The following EPCIP variants were observed in gnomAD, a reference collection of about 807,000 sequenced individuals.
EPCIP encodes exosomal polycystin-1-interacting protein.
At chr21:32,809,713 G>T in the EPCIP span, among the ~76,000 whole-genome samples, 152,186 of 152,186 alleles carry the variant, frequency 1, 76,093 homozygotes, top group Non-Finnish European at 1. Flanking sequence ...CTCATGCTGG[G>T]TATGTTGCCC....
At chr21:32,809,312 C>CTTTCTTTCTTTCTTTCTTTCTTTCT in the EPCIP span, among the ~76,000 whole-genome samples, 5 of 132,230 alleles carry the variant, frequency 3.8e-5, no homozygotes, top group African/African-American at 1.4e-4. Context: ...TTCTTTCTTT[C>CTTTCTTTCTTTCTTTCTTTCTTTCT]TTTCTTTCTT....
chr21:32,807,261 A>G, the EPCIP span, among the ~76,000 whole-genome samples: 1 of 147,736 alleles, frequency 6.8e-6, no homozygotes, highest in African/African-American at 2.6e-5. Flanking sequence ...ATGACTATTT[A>G]TATTATCCAA....
At chr21:32,812,777 A>G in the EPCIP span, among the ~76,000 whole-genome samples, 1 of 152,182 alleles carries the variant, frequency 6.6e-6, no homozygotes, top group African/African-American at 2.4e-5. Context: ...AGTATACACC[A>G]ACATACTTTT....
chr21:32,809,045 T>C, the EPCIP span, among the ~76,000 whole-genome samples: 1 of 151,916 alleles, frequency 6.6e-6, no homozygotes, highest in Non-Finnish European at 1.5e-5. Context: ...AGAAGATTCT[T>C]TTTTTGTTTT....
the EPCIP span, chr21:32,794,532 A>C: frequency 1.5e-5 from 16 of 1,032,322 alleles, no homozygotes; most frequent in East Asian, 3.6e-4. Flanking sequence ...TTTGAAATAC[A>C]CAGCTTATGG....
At chr21:32,797,789 A>G in the EPCIP span, 1 of 152,242 alleles carries the variant, frequency 6.6e-6, no homozygotes, top group Non-Finnish European at 1.5e-5. Flanking sequence ...ATAAAAAAAT[A>G]AACAAAATAA....
At chr21:32,809,178 G>GGT in the EPCIP span, among the ~76,000 whole-genome samples, 1 of 69,724 alleles carries the variant, frequency 1.4e-5, no homozygotes, top group South Asian at 5.8e-4. Flanking sequence ...AGCCTCGAGG[G>GGT]GTGCGTGTGT....
chr21:32,812,718 G>GT, the EPCIP span, among the ~76,000 whole-genome samples: 35 of 152,054 alleles, frequency 2.3e-4, no homozygotes, highest in East Asian at 7.7e-4. Context: ...TTAAGGGTGG[G>GT]TTTTTTATAA....
the EPCIP span, among the ~76,000 whole-genome samples, chr21:32,809,279 C>CCTTCCTTTCTTTCTTT: frequency 7.1e-4 from 57 of 80,066 alleles, no homozygotes; most frequent in African/African-American, 2.4e-3. Flanking sequence ...CTCCCTCCTT[C>CCTTCCTTTCTTTCTTT]CTTTCTTTCT....
the EPCIP span, among the ~76,000 whole-genome samples, chr21:32,792,445 G>A: frequency 3.9e-5 from 6 of 152,154 alleles, no homozygotes; most frequent in African/African-American, 1.4e-4. Flanking sequence ...TGTAAGTGGT[G>A]AGTAAATTCC....
At chr21:32,799,072 G>A in the EPCIP span, 1 of 152,196 alleles carries the variant, frequency 6.6e-6, no homozygotes, top group African/African-American at 2.4e-5. Flanking sequence ...CAGCTTGGGA[G>A]CCAATGAATG....
the EPCIP span, among the ~76,000 whole-genome samples, chr21:32,806,156 C>T: frequency 6.6e-6 from 1 of 152,142 alleles, no homozygotes; most frequent in Admixed American, 6.5e-5. Flanking sequence ...ATGTGAGGCA[C>T]AAGTGGCCCC....
At chr21:32,805,669 A>G in the EPCIP span, among the ~76,000 whole-genome samples, 1 of 152,132 alleles carries the variant, frequency 6.6e-6, no homozygotes, top group African/African-American at 2.4e-5. Flanking sequence ...GCCAAGTTGT[A>G]GAAATTTTTT....
the EPCIP span, chr21:32,794,100 T>C: frequency 6.2e-7 from 1 of 1,614,188 alleles, no homozygotes; most frequent in Non-Finnish European, 8.5e-7. Flanking sequence ...GTGTTGGTGC[T>C]GCACAGGGAA....
chr21:32,793,588 C>T, the EPCIP span: 7 of 692,580 alleles, frequency 1.0e-5, no homozygotes, highest in Admixed American at 1.4e-4. Context: ...CAGTTGGGCA[C>T]AGAGCAGAAC....
At chr21:32,809,794 A>G in the EPCIP span, among the ~76,000 whole-genome samples, 3 of 152,122 alleles carry the variant, frequency 2.0e-5, no homozygotes, top group African/African-American at 7.2e-5. Flanking sequence ...CTGTCTTCAA[A>G]TCTCTCCTCT....
At chr21:32,796,041 CTT>C in the EPCIP span, among the ~76,000 whole-genome samples, 98 of 150,842 alleles carry the variant, frequency 6.5e-4, no homozygotes, top group African/African-American at 2.3e-3. Context: ...TCCCTCCTTC[CTT>C]CCTTCCTTCC....
the EPCIP span, among the ~76,000 whole-genome samples, chr21:32,808,924 C>T: frequency 1.3e-5 from 2 of 152,260 alleles, no homozygotes; most frequent in South Asian, 2.1e-4. Flanking sequence ...TTTGTGACAG[C>T]AGCAGAGCTC....
At chr21:32,810,959 A>G in the EPCIP span, among the ~76,000 whole-genome samples, 3 of 152,220 alleles carry the variant, frequency 2.0e-5, no homozygotes, top group African/African-American at 4.8e-5. Flanking sequence ...ATAAAATGTG[A>G]TACATGTATG....
Sources: gnomAD v4.1 joint callset for allele counts (sites outside exome capture counted in the v4.1 genomes callset) on GRCh38, gnomAD v4.1.1 for gene constraint, MANE v1.5 for transcripts, NCBI Gene and HGNC (gene_info 2026-07-23, HGNC 2026-07-21) for gene names.